NEBL: variants seen among roughly 807,000 people sequenced by gnomAD.
The protein encoded by NEBL is LIM and SH3 protein 2.
NEBL carries 122 observed loss-of-function variants against 140.2 expected under a neutral mutation model. That is an observed-to-expected ratio of 0.87 (90% CI 0.75 to 1.01). NEBL has a LOEUF of 1.01. NEBL is among the 50% of genes least tolerant of loss of function. The probability of loss-of-function intolerance (pLI) is 0.00; values close to 1 mark genes in which losing one functional copy is unlikely to be tolerated. For synonymous variants in NEBL, 436 were observed against 398.9 expected (o/e 1.09, Z -1.11); for missense variants, 1,365 against 1,231.3 (o/e 1.11, Z -1.62).
At chr10:21,063,914 C>CA (rs1041498020) in intron 2 of NEBL, among the ~76,000 whole-genome samples, 17 of 111,556 alleles carry the variant, frequency 1.5e-4, no homozygotes, top group Admixed American at 2.7e-4. Flanking sequence ...TAAATATAAA[C>CA]AAAAAAAATT....
chr10:21,217,333 A>C (rs1048182939), intron 3 of NEBL, among the ~76,000 whole-genome samples: 3 of 152,242 alleles, frequency 2.0e-5, no homozygotes, highest in African/African-American at 7.2e-5. Flanking sequence ...CACAAGGGAC[A>C]GTGCTCCAAA....
intron 9 of NEBL, among the ~76,000 whole-genome samples, chr10:20,857,114 T>C (rs1158258196): frequency 3.3e-5 from 5 of 152,144 alleles, no homozygotes; most frequent in Admixed American, 1.3e-4. Flanking sequence ...TGAAACACCA[T>C]GCCCAGCCAG....
Position 20,850,502 on chromosome 10 carries a change from C to T in NEBL, c.1009G>A (p.Val337Met). 1 of 1,575,976 alleles carries T rather than the reference C, an allele frequency of 6.3e-7. No individual in the cohort carries two copies. Among genetic ancestry groups the T allele is most frequent in the East Asian group, 2.2e-5 (1 of 44,654 alleles). Residue 337 changes from valine (V) to methionine (M), a missense_variant and splice_region_variant, in exon 11 of 28, where the codon GTG becomes ATG. Val to Met is a conservative substitution (Grantham distance 21, BLOSUM62 1). Transcript: ENST00000377122. ...HKGNAVLQSQ[V>M]KYKEEYEKNK... ...TTCTCATATTCTTCTTTATATTTCA[C>T]CTTCATTGGAAAAAGAAAAGCATAT... is the stretch of plus-strand genomic sequence containing the variant.
chr10:21,108,291 G>A (rs1343053977), intron 2 of NEBL, among the ~76,000 whole-genome samples: 1 of 152,052 alleles, frequency 6.6e-6, no homozygotes, highest in Non-Finnish European at 1.5e-5. Flanking sequence ...TTTCTCTTGT[G>A]GGCATTTAGT....
At chr10:21,252,728 G>A (rs893709578) in intron 1 of NEBL, among the ~76,000 whole-genome samples, 7 of 152,150 alleles carry the variant, frequency 4.6e-5, no homozygotes, top group Non-Finnish European at 1.0e-4. Flanking sequence ...GGCCAAGGCG[G>A]GCAGATCACC....
chr10:21,073,846 G>A (rs1787920221), intron 2 of NEBL, among the ~76,000 whole-genome samples: 1 of 151,990 alleles, frequency 6.6e-6, no homozygotes, highest in African/African-American at 2.4e-5. Context: ...AGGCCAAGAT[G>A]GGCAGATCAC....
chr10:21,080,362 T>C (rs1836308695), intron 2 of NEBL, among the ~76,000 whole-genome samples: 1 of 152,228 alleles, frequency 6.6e-6, no homozygotes, highest in South Asian at 2.1e-4. Context: ...CTCTTCTCAA[T>C]TGTGGTAAAT....
chr10:21,154,236 A>T (rs1210509524), intron 2 of NEBL, among the ~76,000 whole-genome samples: 1 of 152,052 alleles, frequency 6.6e-6, no homozygotes, highest in East Asian at 1.9e-4. Context: ...AAGCAGGAAG[A>T]TCACCTGAGG....
intron 3 of NEBL, among the ~76,000 whole-genome samples, chr10:21,012,825 C>T (rs979106153): frequency 2.6e-5 from 4 of 152,136 alleles, no homozygotes; most frequent in African/African-American, 9.7e-5. Flanking sequence ...CCTCCCTCCA[C>T]CGTCAGCTAT....
At chr10:21,269,547 T>C (rs74341620) in intron 1 of NEBL, among the ~76,000 whole-genome samples, 1,660 of 152,330 alleles carry the variant, frequency 0.011, 31 homozygotes, top group African/African-American at 0.039. Context: ...CGTTCGTGGT[T>C]AGAACTATGC....
chr10:20,979,749 T>C (rs67955617), intron 3 of NEBL, among the ~76,000 whole-genome samples: 24,934 of 152,140 alleles, frequency 0.16, 3,528 homozygotes, highest in East Asian at 0.39. Flanking sequence ...CTCTGTCACC[T>C]GCGCTGGAAT....
At chr10:21,266,361 C>T (rs959837168) in intron 1 of NEBL, among the ~76,000 whole-genome samples, 4 of 152,124 alleles carry the variant, frequency 2.6e-5, no homozygotes, top group Middle Eastern at 3.2e-3. Flanking sequence ...AGGCTAGTCT[C>T]GAACTCCTGA....
chr10:21,128,387 A>T (rs189112148), intron 2 of NEBL, among the ~76,000 whole-genome samples: 10 of 152,290 alleles, frequency 6.6e-5, no homozygotes, highest in Admixed American at 3.3e-4. Flanking sequence ...GGCTCTCCAG[A>T]CCAAAAATGT....
chr10:20,947,708 C>T (rs1835248244), intron 4 of NEBL, among the ~76,000 whole-genome samples: 1 of 151,876 alleles, frequency 6.6e-6, no homozygotes, highest in South Asian at 2.1e-4. Context: ...CACACACACA[C>T]ACACACACAG....
intron 1 of NEBL, among the ~76,000 whole-genome samples, chr10:21,277,311 C>T (rs1315582642): frequency 4.0e-5 from 6 of 150,956 alleles, no homozygotes; most frequent in African/African-American, 1.5e-4. Context: ...TAGGTTCAAG[C>T]GATTCTCCTG....
chr10:21,098,221 C>G (rs994926876), intron 2 of NEBL, among the ~76,000 whole-genome samples: 2 of 151,964 alleles, frequency 1.3e-5, no homozygotes, highest in African/African-American at 4.8e-5. Flanking sequence ...CATTCTCACT[C>G]ACACGTGCAC....
chr10:20,858,715 C>CAA (rs760638856), intron 8 of NEBL, among the ~76,000 whole-genome samples: 12 of 151,920 alleles, frequency 7.9e-5, no homozygotes, highest in Non-Finnish European at 1.5e-4. Context: ...TTTGATGTTT[C>CAA]CCATCCTATC....
chr10:21,083,138 A>G (rs1276780865), intron 2 of NEBL, among the ~76,000 whole-genome samples: 1 of 152,212 alleles, frequency 6.6e-6, no homozygotes, highest in African/African-American at 2.4e-5. Flanking sequence ...CACTTACCAG[A>G]TGCCATCAGA....
intron 2 of NEBL, among the ~76,000 whole-genome samples, chr10:21,139,153 T>A (rs1839498549): frequency 6.6e-6 from 1 of 152,144 alleles, no homozygotes; most frequent in Non-Finnish European, 1.5e-5. Flanking sequence ...GGAATTTTTA[T>A]AATCAAGTTA....
Sources: allele counts gnomAD v4.1 joint callset (sites outside exome capture counted in the v4.1 genomes callset), GRCh38; gene constraint gnomAD v4.1.1; transcripts MANE v1.5; gene names NCBI Gene and HGNC (gene_info 2026-07-23, HGNC 2026-07-21).